Variants in KAT6A observed in about 807,000 individuals in gnomAD.
KAT6A encodes histone acetyltransferase KAT6A.
A neutral mutation model predicts 198.4 loss-of-function variants in KAT6A; 9 were observed. The ratio of observed to expected loss-of-function variants is 0.05; its 90% CI spans 0.03 to 0.08. The LOEUF is 0.08. Ranked by LOEUF, KAT6A falls within the 10% of genes least tolerant of loss-of-function variation. The pLI is 1.00. For missense variants in KAT6A, 2,077 were observed against 2,509.9 expected (o/e 0.83, Z 3.69); for synonymous variants, 890 against 883.0 (o/e 1.01, Z -0.14).
chr8:41,977,186 A>T lies in KAT6A; in HGVS notation c.1185T>A (p.Asp395Glu). The change falls in exon 7 of 17, where the codon GAT (aspartate) becomes GAA (glutamate). Residue 395 changes from aspartate (D) to glutamate (E), a missense_variant. Asp to Glu is a conservative substitution (Grantham distance 45). Transcript: ENST00000265713. ...ERIDGLDFCR[D>E]SNVSLKFNKK... Reference sequence around the variant, plus strand: ...TGTTGAACTTCAAGGAGACATTGCTATCTCTGCAGAAGTCCAAGCCATCTA... The same window carrying T: ...TGTTGAACTTCAAGGAGACATTGCTTTCTCTGCAGAAGTCCAAGCCATCTA... 6.2e-7 allele frequency: 1 copy of T among 1,614,190 alleles called. No individual in the cohort carries two copies. Among genetic ancestry groups the T allele is most frequent in the Non-Finnish European group, 8.5e-7 (1 of 1,180,010 alleles).
In KAT6A at chr8:41,934,128, C is replaced by T. The variant is rs1441338823; in HGVS notation, c.4092G>A (p.Lys1364=). Residue 1364 remains lysine (K), a synonymous_variant, in exon 17 of 17, where the codon AAG becomes AAA. Coordinates refer to ENST00000265713, the MANE Select transcript of KAT6A (RefSeq NM_006766.5). ...AATCCAGCTCGGTTTCCTCTTTATC[C>T]TTTATCTTTTCCCTACTCTTCTGCA... ...ANMQKSREKI[K]DKEETELDSE... The T allele has an allele frequency of 9.3e-6, 15 of 1,613,982 alleles. No homozygotes were observed. Among genetic ancestry groups the T allele is most frequent in the Non-Finnish European group, 1.0e-5 (12 of 1,180,042 alleles).
At chr8:42,039,721 GTAT>G (rs1272403997) in intron 2 of KAT6A, among the ~76,000 whole-genome samples, 1 of 151,912 alleles carries the variant, frequency 6.6e-6, no homozygotes, top group African/African-American at 2.4e-5. Context: ...ATGAAAACTT[GTAT>G]TATTATTATT....
chr8:42,003,145 G>A (rs1388178875), intron 2 of KAT6A, among the ~76,000 whole-genome samples: 1 of 152,190 alleles, frequency 6.6e-6, no homozygotes, highest in East Asian at 1.9e-4. Context: ...GGTGACAAAA[G>A]AACGGACTTG....
intron 13 of KAT6A, 50 bp from the exon 14 acceptor site, chr8:41,943,050 T>C: frequency 1.2e-6 from 2 of 1,606,640 alleles, no homozygotes; most frequent in Non-Finnish European, 1.7e-6. Context: ...AAGGTGTACA[T>C]AAAAATGAAT....
rs774855889 is a variant in KAT6A, at chr8:41,934,807, AGAG to A, written c.3410_3412del (p.Pro1137del). The stretch of plus-strand genomic sequence containing the variant: ...CAAAGGTGTGGATGTATCTGGCTCA[AGAG>A]GAGAATTCTTCACATCACGTTTTCG... On this transcript the variant is annotated inframe_deletion, in exon 17 of 17. Coordinates refer to ENST00000265713, the MANE Select transcript of KAT6A (RefSeq NM_006766.5). The A allele has an allele frequency of 1.9e-6, 3 of 1,613,858 alleles. No homozygotes were observed.
intron 7 of KAT6A, 116 bp downstream of exon 7, chr8:41,976,892 T>A (rs974179171): frequency 2.3e-6 from 2 of 877,040 alleles, no homozygotes; most frequent in African/African-American, 1.7e-5. Flanking sequence ...TGTGTTCTTA[T>A]ATTCTATAAC....
chr8:42,037,691 CT>C (rs35961436), intron 2 of KAT6A, among the ~76,000 whole-genome samples: 231 of 140,778 alleles, frequency 1.6e-3, no homozygotes, highest in Admixed American at 2.1e-3. Flanking sequence ...ACATTGAAAG[CT>C]TTTTTTTTTT....
chr8:42,027,404 T>C lies in KAT6A; in HGVS notation c.600+20974A>G, dbSNP rs572675292. ...GTTTGGTAAAATTCAGCAGGTAGAA[T>C]TGAGAGGAAAGCCATCTGGTCCTAG... On this transcript the variant is annotated intron_variant, in intron 2 of 16. Transcript: ENST00000265713. Among the ~76,000 whole-genome samples the C allele has an allele frequency of 9.2e-5, 14 of 152,324 alleles. No individual in the cohort carries two copies. The East Asian group carries it at 1.5e-3, about 17-fold the overall frequency.
chr8:42,021,237 T>G (rs1364040576), intron 2 of KAT6A, among the ~76,000 whole-genome samples: 2 of 152,208 alleles, frequency 1.3e-5, no homozygotes, highest in Non-Finnish European at 2.9e-5. Flanking sequence ...ATATTAAAAT[T>G]TATGTGTTCA....
chr8:41,978,238 A>G (rs1003749431), intron 6 of KAT6A, among the ~76,000 whole-genome samples: 1 of 152,226 alleles, frequency 6.6e-6, no homozygotes, highest in African/African-American at 2.4e-5. Flanking sequence ...AGATCAGGAG[A>G]GTGACATGTG....
chr8:41,947,977 CA>C (rs1328298189), intron 10 of KAT6A, 65 bp from the exon 11 acceptor site: 11 of 1,287,230 alleles, frequency 8.5e-6, no homozygotes, highest in Non-Finnish European at 1.2e-5. Context: ...TAATATGTAT[CA>C]GTTAAAAGCA....
chr8:41,989,142 T>A (rs543299912), intron 2 of KAT6A, among the ~76,000 whole-genome samples: 2 of 152,154 alleles, frequency 1.3e-5, no homozygotes, highest in African/African-American at 4.8e-5. Flanking sequence ...AAAAAGGTGT[T>A]CAAAAAGGTA....
At chr8:41,970,998 T>G (rs1008766373) in intron 8 of KAT6A, among the ~76,000 whole-genome samples, 2 of 151,588 alleles carry the variant, frequency 1.3e-5, no homozygotes, top group African/African-American at 4.9e-5. Context: ...CCGCATGTTC[T>G]CACTCATAGG....
At chr8:42,046,510 G>A (rs1191332694) in intron 2 of KAT6A, among the ~76,000 whole-genome samples, 7 of 152,146 alleles carry the variant, frequency 4.6e-5, no homozygotes, top group African/African-American at 9.7e-5. Flanking sequence ...CAGCCTGGGT[G>A]ACAGAACGAG....
intron 8 of KAT6A, among the ~76,000 whole-genome samples, chr8:41,958,612 T>C (rs1437050005): frequency 6.6e-6 from 1 of 152,150 alleles, no homozygotes; most frequent in Non-Finnish European, 1.5e-5. Context: ...TGGAGTAGAA[T>C]GTGTTTTGGA....
intron 2 of KAT6A, among the ~76,000 whole-genome samples, chr8:42,041,192 CAAA>C (rs10595164): frequency 5.6e-5 from 5 of 88,878 alleles, no homozygotes; most frequent in African/African-American, 9.2e-5. Flanking sequence ...GATTCCGTCT[CAAA>C]AAAAAAAAAA....
chr8:41,979,157 A>T (rs1452120041), intron 5 of KAT6A, among the ~76,000 whole-genome samples: 1 of 151,928 alleles, frequency 6.6e-6, no homozygotes, highest in Non-Finnish European at 1.5e-5. Context: ...AGTCCCAGCT[A>T]CTCGGGAGGC....
intron 2 of KAT6A, among the ~76,000 whole-genome samples, chr8:42,031,370 G>A (rs762949194): frequency 6.6e-6 from 1 of 152,116 alleles, no homozygotes; most frequent in Non-Finnish European, 1.5e-5. Flanking sequence ...GAATACATCT[G>A]ATACCCTATT....
At position 41,983,863 on chromosome 8, in the gene KAT6A, C is replaced by G. The variant is rs1224128144; in HGVS notation, c.710-1909G>C. On this transcript the variant is annotated intron_variant, in intron 3 of 16. Coordinates refer to ENST00000265713, the MANE Select transcript of KAT6A (RefSeq NM_006766.5). ...TTCACTGCTACTGTGGTATGTGTTC[C>G]TATTACTACTTGAGTAAAACACTTT... Among the ~76,000 whole-genome samples the G allele has an allele frequency of 2.0e-5, 3 of 152,222 alleles. No individual in the cohort carries two copies. In the East Asian group the frequency reaches 5.8e-4, roughly 29 times the overall value.
Sources: allele counts gnomAD v4.1 joint callset (sites outside exome capture counted in the v4.1 genomes callset), GRCh38; gene constraint gnomAD v4.1.1; transcripts MANE v1.5; gene names NCBI Gene and HGNC (gene_info 2026-07-23, HGNC 2026-07-21).